BCAT1: variants seen among roughly 807,000 people sequenced by gnomAD.
BCAT1 encodes branched-chain-amino-acid aminotransferase, cytosolic.
BCAT1 carries 48 observed loss-of-function variants against 52.4 expected under a neutral mutation model. The ratio of observed to expected loss-of-function variants is 0.92; its 90% CI spans 0.73 to 1.16. BCAT1 has a LOEUF of 1.16. BCAT1 is among the 50% of genes most tolerant of loss of function. BCAT1 has a pLI of 0.00. For synonymous variants in BCAT1, 167 were observed against 161.3 expected (o/e 1.04, Z -0.27); for missense variants, 451 against 457.1 (o/e 0.99, Z 0.12).
intron 2 of BCAT1, among the ~76,000 whole-genome samples, chr12:24,896,535 G>A (rs1416271798): frequency 2.0e-5 from 3 of 152,158 alleles, no homozygotes; most frequent in Admixed American, 6.5e-5. Flanking sequence ...TTGGGAGGCC[G>A]AGGCGGGTGG....
At chr12:24,831,387 G>A (rs1210477887) in intron 9 of BCAT1, among the ~76,000 whole-genome samples, 2 of 152,118 alleles carry the variant, frequency 1.3e-5, no homozygotes, top group Non-Finnish European at 2.9e-5. Context: ...GGTGACTCAC[G>A]CCTGTAATAC....
At position 24,829,851 on chromosome 12, in the gene BCAT1, C is replaced by T. The variant is rs377651136; in HGVS notation, c.1091G>A (p.Arg364His). The change falls in exon 10 of 11, where the codon CGC becomes CAC. Residue 364 changes from arginine to histidine, a missense_variant. By Grantham distance (29) the Arg-to-His change is conservative. Transcript: ENST00000261192. ...GATATCAGTTAATTTGCTCAAGATG[C>T]GGCTTGCCAGCTTAGGACCATTCTC... ...TMENGPKLAS[R>H]ILSKLTDIQY... 8.7e-6 allele frequency: 14 copies of T among 1,611,122 alleles called. No individual in the cohort carries two copies. Among genetic ancestry groups the T allele is most frequent in the African/African-American group, 1.3e-5 (1 of 74,776 alleles).
At chr12:24,861,466 T>G (rs1941847204) in intron 5 of BCAT1, among the ~76,000 whole-genome samples, 1 of 152,238 alleles carries the variant, frequency 6.6e-6, no homozygotes, top group Non-Finnish European at 1.5e-5. Context: ...ATTGAACACT[T>G]ATTAATCTTC....
At chr12:24,914,264 G>T (rs1188416757) in intron 1 of BCAT1, among the ~76,000 whole-genome samples, 3 of 151,864 alleles carry the variant, frequency 2.0e-5, no homozygotes, top group Admixed American at 2.0e-4. Flanking sequence ...TATATTTTTG[G>T]TAGAGACAGG....
chr12:24,838,313 G>C (rs535518168), intron 7 of BCAT1, among the ~76,000 whole-genome samples: 40 of 152,212 alleles, frequency 2.6e-4, no homozygotes, highest in African/African-American at 7.9e-4. Context: ...CAGCAGTATG[G>C]CTTTTTTGAA....
intron 1 of BCAT1, among the ~76,000 whole-genome samples, chr12:24,930,596 G>A (rs1943661955): frequency 6.6e-6 from 1 of 152,174 alleles, no homozygotes; most frequent in Non-Finnish European, 1.5e-5. Flanking sequence ...AATTTTTAGT[G>A]AATGCCCTGT....
chr12:24,903,078 C>T, intron 1 of BCAT1: 3 of 1,384,708 alleles, frequency 2.2e-6, no homozygotes, highest in South Asian at 1.6e-5. Flanking sequence ...GGCCAAGCCC[C>T]GGCGCACGGC....
chr12:24,943,843 G>A lies in BCAT1; in HGVS notation c.6+5084C>T, dbSNP rs1329812296. ...ACAAAAAATACAAAAAATTAGCCGG[G>A]CGTGGTGGCGGGCGCCTGTAGTCCC... On this transcript the variant is annotated intron_variant, in intron 1 of 10. Transcript: ENST00000261192. Among the ~76,000 whole-genome samples, 3 of 152,060 alleles carry A rather than the reference G, an allele frequency of 2.0e-5. No individual in the cohort carries two copies. The East Asian group carries it at 5.8e-4, about 29-fold the overall frequency.
intron 1 of BCAT1, among the ~76,000 whole-genome samples, chr12:24,933,440 A>G (rs1397645161): frequency 1.3e-5 from 2 of 151,972 alleles, no homozygotes; most frequent in Non-Finnish European, 2.9e-5. Flanking sequence ...GCTCATAACC[A>G]TGTGTTATAT....
chr12:24,948,241 C>G (rs1943963590), intron 1 of BCAT1, among the ~76,000 whole-genome samples: 1 of 152,154 alleles, frequency 6.6e-6, no homozygotes, highest in African/African-American at 2.4e-5. Context: ...ACTAGGAAAA[C>G]AAAACACTCA....
At chr12:24,825,329 G>A (rs1314460334) in intron 10 of BCAT1, among the ~76,000 whole-genome samples, 1 of 151,966 alleles carries the variant, frequency 6.6e-6, no homozygotes, top group Admixed American at 6.6e-5. Context: ...TGGATCACAC[G>A]GAAGTTCTAG....
chr12:24,929,715 TC>T lies in BCAT1; in HGVS notation c.6+19211del, dbSNP rs1167348453. 3.3e-5 allele frequency among the ~76,000 whole-genome samples: 5 copies of T among 152,156 alleles called. No individual in the cohort carries two copies. In the East Asian group the frequency reaches 9.7e-4, roughly 29 times the overall value. ...ACCTATGCTTGCTATACACTTCCTCTCCTCACCCTCTTATAACCTGTCACCA... is the reference window on the plus strand; with the variant it reads ...ACCTATGCTTGCTATACACTTCCTCTCTCACCCTCTTATAACCTGTCACCA... On this transcript the variant is annotated intron_variant, in intron 1 of 10. Transcript: ENST00000261192.
At chr12:24,935,724 AAT>A (rs1198947350) in intron 1 of BCAT1, among the ~76,000 whole-genome samples, 7 of 152,316 alleles carry the variant, frequency 4.6e-5, no homozygotes, top group Non-Finnish European at 8.8e-5. Context: ...CTACACCTTC[AAT>A]ACTTTACTTG....
At position 24,901,804 on chromosome 12, in the gene BCAT1, A is replaced by C. The variant is rs775110873; in HGVS notation, c.78+10T>G. 1 of 1,612,890 alleles carries C rather than the reference A, an allele frequency of 6.2e-7. No homozygotes were observed. The highest frequency in any genetic ancestry group is 8.5e-7 in the Non-Finnish European group (1 of 1,179,070). On this transcript the variant is annotated intron_variant, in intron 2 of 10. Coordinates refer to ENST00000261192, the MANE Select transcript of BCAT1 (RefSeq NM_005504.7). ...TGCTTTAGACACTAAGCCTCTGGCAAGCAACTTACCTTAAAAGTCCCCACC... is the reference window on the plus strand; with the variant it reads ...TGCTTTAGACACTAAGCCTCTGGCACGCAACTTACCTTAAAAGTCCCCACC...
intron 10 of BCAT1, among the ~76,000 whole-genome samples, chr12:24,823,022 TATTTGTTTTGACTTTTTTTTTTTTTTC>T (rs1940208703): frequency 1.4e-5 from 2 of 138,876 alleles, no homozygotes; most frequent in African/African-American, 5.4e-5. Context: ...TTACACTGAA[TATTTGTTTTGACTTTTTTTTTTTTTTC>T]ATTTGTTTTG....
intron 10 of BCAT1, among the ~76,000 whole-genome samples, chr12:24,819,044 T>C (rs1939998787): frequency 6.6e-6 from 1 of 152,196 alleles, no homozygotes; most frequent in Non-Finnish European, 1.5e-5. Context: ...ATTTTATGAA[T>C]GAGAAAACTG....
intron 1 of BCAT1, among the ~76,000 whole-genome samples, chr12:24,909,982 G>A (rs771922423): frequency 1.6e-4 from 25 of 152,110 alleles, no homozygotes; most frequent in Admixed American, 6.5e-4. Context: ...AGATGATGCC[G>A]GCCCCTCATG....
At chr12:24,845,133 A>C (rs4963811) in intron 6 of BCAT1, among the ~76,000 whole-genome samples, 1 of 150,804 alleles carries the variant, frequency 6.6e-6, no homozygotes, top group Admixed American at 6.6e-5. Context: ...AGCACCACTC[A>C]CACCAGGGAG....
chr12:24,910,236 G>C (rs1216167190), intron 1 of BCAT1, among the ~76,000 whole-genome samples: 1 of 152,026 alleles, frequency 6.6e-6, no homozygotes, highest in Non-Finnish European at 1.5e-5. Flanking sequence ...AATTAGCTGG[G>C]CTTGATGGCG....
Sources: allele counts gnomAD v4.1 joint callset (sites outside exome capture counted in the v4.1 genomes callset), GRCh38; gene constraint gnomAD v4.1.1; transcripts MANE v1.5; gene names NCBI Gene and HGNC (gene_info 2026-07-23, HGNC 2026-07-21).